IFT140: variants seen among roughly 807,000 people sequenced by gnomAD.
IFT140 encodes intraflagellar transport protein 140 homolog.
In IFT140, 133 loss-of-function variants were observed where a neutral mutation model predicts 164.6. That is an observed-to-expected ratio of 0.81 (90% CI 0.70 to 0.93). The LOEUF (loss-of-function observed/expected upper bound fraction) is 0.93. Ranked by LOEUF, IFT140 falls within the 40% of genes least tolerant of loss-of-function variation. The pLI, the probability that IFT140 is intolerant of heterozygous loss-of-function variation, is 0.00. For missense variants in IFT140, 2,045 were observed against 1,972.3 expected, an observed-to-expected ratio of 1.04 and a Z score of -0.70; for synonymous variants, 860 against 817.3, an observed-to-expected ratio of 1.05 and a Z score of -0.89.
intron 15 of IFT140, among the ~76,000 whole-genome samples, chr16:1,567,910 G>A (rs1278550182): frequency 1.3e-5 from 2 of 152,242 alleles, no homozygotes; most frequent in Admixed American, 1.3e-4. Flanking sequence ...CAGGGATGAA[G>A]AGGAAGCGAG....
At position 1,610,754 on chromosome 16, in the gene IFT140, G is replaced by C. The variant is rs927037070; in HGVS notation, c.-122C>G. 1 of 153,500 alleles carries C rather than the reference G, an allele frequency of 6.5e-6. No homozygotes were observed. The highest frequency in any genetic ancestry group is 2.4e-5 in the African/African-American group (1 of 41,506). 9.5% of individuals were successfully genotyped at this position (153,500 alleles called of 1,614,324 possible). On this transcript the variant is annotated 5_prime_UTR_variant, in exon 2 of 31. Coordinates refer to ENST00000426508, the MANE Select transcript of IFT140 (RefSeq NM_014714.4). ...CCGAAGGTGAGCGAGGCGGCCCCGA[G>C]GACTCCCGAAGCGCCCCGAGCGGCC... is the stretch of plus-strand genomic sequence containing the variant.
At position 1,571,457 on chromosome 16, in the gene IFT140, C is replaced by T. The variant is rs778106074; in HGVS notation, c.1602G>A (p.Leu534=). 1.2e-6 allele frequency: 2 copies of T among 1,614,140 alleles called. No homozygotes were observed. Among genetic ancestry groups the T allele is most frequent in the South Asian group, 2.2e-5 (2 of 91,064 alleles). Residue 534 remains leucine, a synonymous_variant, in exon 14 of 31, where the codon CTG becomes CTA. Transcript: ENST00000426508. ...PCFLDICGNF[L]VVGTDLAHFK... ...AGTGAGCCAAGTCTGTCCCTACAAC[C>T]AGGAAATTCCCACAGATGTCCAAGA...
chr16:1,584,482 G>T, intron 10 of IFT140, 62 bp from the exon 11 acceptor site: 1 of 1,344,426 alleles, frequency 7.4e-7, no homozygotes, highest in Non-Finnish European at 1.0e-6. Context: ...GAAAGATGCG[G>T]TCAGGAGAAT....
intron 19 of IFT140, among the ~76,000 whole-genome samples, chr16:1,549,138 T>C (rs2032426055): frequency 6.6e-6 from 1 of 152,264 alleles, no homozygotes; most frequent in African/African-American, 2.4e-5. Flanking sequence ...CCTCTGGGTC[T>C]CACTGGCGTC....
At chr16:1,591,255 C>G (rs1347372406) in intron 6 of IFT140, among the ~76,000 whole-genome samples, 2 of 152,162 alleles carry the variant, frequency 1.3e-5, no homozygotes, top group African/African-American at 4.8e-5. Flanking sequence ...TTCTCATTAG[C>G]CTTCCTGGGG....
intron 6 of IFT140, among the ~76,000 whole-genome samples, chr16:1,590,895 G>A (rs2035145459): frequency 6.6e-6 from 1 of 152,102 alleles, no homozygotes; most frequent in Admixed American, 6.5e-5. Context: ...CCTCCCAGGT[G>A]ACTGAGGCCA....
chr16:1,527,522 A>C, intron 19 of IFT140, among the ~76,000 whole-genome samples: 1 of 152,180 alleles, frequency 6.6e-6, no homozygotes, highest in South Asian at 2.1e-4. Flanking sequence ...AAGTGGGCAG[A>C]GCTGCGTCAG....
intron 19 of IFT140, chr16:1,542,140 A>T: frequency 6.9e-7 from 1 of 1,458,338 alleles, no homozygotes; most frequent in Non-Finnish European, 9.1e-7. Flanking sequence ...GTGCCACAGG[A>T]GGGTCCTGAG....
chr16:1,554,121 G>C (rs1396366112), intron 19 of IFT140: 15 of 1,287,200 alleles, frequency 1.2e-5, no homozygotes, highest in Non-Finnish European at 1.4e-5. Context: ...TGACTCGGAA[G>C]TGAGGGAAGA....
At chr16:1,568,488 C>T (rs970055787) in intron 14 of IFT140, among the ~76,000 whole-genome samples, 154 bp from the exon 15 acceptor site, 4 of 152,226 alleles carry the variant, frequency 2.6e-5, no homozygotes, top group African/African-American at 9.6e-5. Context: ...GTGGGGCAAA[C>T]GCAAAACACA....
rs1201237944 is a variant in IFT140, at chr16:1,526,728, C to T, written c.2468G>A (p.Cys823Tyr). Residue 823 changes from cysteine (C) to tyrosine (Y), a missense_variant, in exon 20 of 31, where the codon TGC becomes TAC. Transcript: ENST00000426508. ...KTQRLDVAKV[C>Y]LGNMGHARGA... ...GCGGGCATGGCCCATGTTCCCCAGG[C>T]ACACCTTGGCCACGTCCAGCCGCTG... 2 of 1,609,508 alleles carry T rather than the reference C, an allele frequency of 1.2e-6. No homozygotes were observed. Among genetic ancestry groups the T allele is most frequent in the Admixed American group, 1.7e-5 (1 of 59,676 alleles).
At chr16:1,560,952 A>C (rs1032852526) in intron 18 of IFT140, among the ~76,000 whole-genome samples, 5 of 152,190 alleles carry the variant, frequency 3.3e-5, no homozygotes, top group African/African-American at 4.8e-5. Context: ...GTTTCACAGA[A>C]ATAAAAGCAG....
intron 6 of IFT140, among the ~76,000 whole-genome samples, chr16:1,591,265 G>A (rs567514845): frequency 6.6e-6 from 1 of 152,038 alleles, no homozygotes; most frequent in South Asian, 2.1e-4. Flanking sequence ...CCTTCCTGGG[G>A]GGCCCCATCC....
At chr16:1,574,192 CG>C (rs1379261718) in intron 13 of IFT140, among the ~76,000 whole-genome samples, 1 of 152,182 alleles carries the variant, frequency 6.6e-6, no homozygotes, top group African/African-American at 2.4e-5. Flanking sequence ...CTGTAACAAA[CG>C]TAAAATGGAG....
intron 19 of IFT140, among the ~76,000 whole-genome samples, chr16:1,550,042 ACCTCCTGGGCTCAG>A (rs2032505131): frequency 6.6e-6 from 1 of 151,624 alleles, no homozygotes; most frequent in Non-Finnish European, 1.5e-5. Flanking sequence ...TGCAGACTCG[ACCTCCTGGGCTCAG>A]CCTCCTGAAT....
chr16:1,540,876 T>C lies in IFT140; in HGVS notation c.2400-14080A>G, dbSNP rs549466949. On this transcript the variant is annotated intron_variant, in intron 19 of 30. Transcript: ENST00000426508. ...ACAGGCTAGGGACTCTGTGGGGCTG[T>C]TGCTTCACATGCAGTCCCTGACTCC... 2.9e-5 allele frequency: 29 copies of C among 985,450 alleles called. No individual in the cohort carries two copies. The South Asian group carries it at 1.2e-3, about 41-fold the overall frequency. 61.0% of individuals were successfully genotyped at this position (985,450 alleles called of 1,614,324 possible).
intron 13 of IFT140, chr16:1,577,176 C>T (rs994291317): frequency 1.2e-4 from 19 of 152,212 alleles, no homozygotes; most frequent in African/African-American, 4.6e-4. Context: ...TACAAGAAAA[C>T]GTGGAATTGC....
intron 2 of IFT140, among the ~76,000 whole-genome samples, chr16:1,608,966 C>T (rs761644705): frequency 6.6e-6 from 1 of 152,060 alleles, no homozygotes; most frequent in Admixed American, 6.5e-5. Flanking sequence ...CCATCCTGGA[C>T]AACATGATGA....
At position 1,524,593 on chromosome 16, in the gene IFT140, T is replaced by C. The variant is rs1421481358; in HGVS notation, c.3100A>G (p.Thr1034Ala). The change falls in exon 24 of 31, where the codon ACC (threonine) becomes GCC (alanine). Residue 1034 changes from threonine to alanine, a missense_variant. By Grantham distance (58) the Thr-to-Ala change is moderately conservative. Coordinates refer to ENST00000426508, the MANE Select transcript of IFT140 (RefSeq NM_014714.4). ...GCATTCTTGAAGGCCTGTGCCCGGG[T>C]GTAGAAGTGCACCGCCTGCCCGACC... ...EEVGQAVHFY[T>A]RAQAFKNAIR... 1 of 1,608,282 alleles carries C rather than the reference T, an allele frequency of 6.2e-7. No individual in the cohort carries two copies. The highest frequency in any genetic ancestry group is 8.5e-7 in the Non-Finnish European group (1 of 1,176,604).
Sources: gnomAD v4.1 joint callset for allele counts (sites outside exome capture counted in the v4.1 genomes callset) on GRCh38, gnomAD v4.1.1 for gene constraint, MANE v1.5 for transcripts, NCBI Gene and HGNC (gene_info 2026-07-23, HGNC 2026-07-21) for gene names.